SLC7A6: variants seen among roughly 807,000 people sequenced by gnomAD.
SLC7A6 encodes the protein Y+L amino acid transporter 2.
SLC7A6 carries 29 observed loss-of-function variants against 46.6 expected under a neutral mutation model. The observed-to-expected ratio is 0.62, with a 90% CI of 0.46 to 0.85. The LOEUF is 0.85. Among genes scored for constraint, SLC7A6 ranks in the 40% least tolerant of loss-of-function variants. The probability of loss-of-function intolerance (pLI) is 0.00; values close to 1 mark genes in which losing one functional copy is unlikely to be tolerated. For missense variants in SLC7A6, 527 were observed against 647.6 expected (o/e 0.81, Z 2.02); for synonymous variants, 276 against 257.3 (o/e 1.07, Z -0.70).
At position 68,301,479 on chromosome 16, in the gene SLC7A6, G is replaced by C. The variant is rs1687572517; in HGVS notation, c.*4151G>C. The stretch of plus-strand genomic sequence containing the variant: ...ACTGCAGGAGCCCCTTCTCTTCTCA[G>C]AAAGGTCTGTTTTTGTTCCCGATTG... On this transcript the variant is annotated 3_prime_UTR_variant, in exon 11 of 11. Coordinates refer to ENST00000219343, the MANE Select transcript of SLC7A6 (RefSeq NM_003983.6). The C allele has an allele frequency of 7.2e-7, 1 of 1,387,714 alleles. No individual in the cohort carries two copies. The highest frequency in any genetic ancestry group is 1.4e-5 in the African/African-American group (1 of 69,254). The allele number at this position is 1,387,714 out of a possible 1,614,324, so 86.0% of individuals were successfully genotyped here. A position where few individuals can be genotyped will look rare whatever the true frequency, so the allele number is the denominator to read the frequency against.
rs1358479897 is a variant in SLC7A6 at position 68,287,714 on chromosome 16, G to A, written c.524-32G>A. The A allele has an allele frequency of 1.9e-6, 3 of 1,606,206 alleles. No homozygotes were observed. The South Asian group carries it at 3.3e-5, about 18-fold the overall frequency. On this transcript the variant is annotated intron_variant, in intron 3 of 10. Transcript: ENST00000219343. Reference sequence around the variant, plus strand: ...TTGGGCCCCTGTGCCCTCAACTCAAGCCTGCCAGTGACTTTGTGGTTTTCC... The same window carrying A: ...TTGGGCCCCTGTGCCCTCAACTCAAACCTGCCAGTGACTTTGTGGTTTTCC...
chr16:68,269,030 AT>A (rs2042581728), intron 2 of SLC7A6, among the ~76,000 whole-genome samples: 3 of 151,984 alleles, frequency 2.0e-5, no homozygotes, highest in Admixed American at 2.0e-4. Context: ...AAAAATACGT[AT>A]TAAAAAATAT....
At chr16:68,294,537 G>T (rs1418665287) in intron 7 of SLC7A6, 168 bp from the exon 8 acceptor site, 4 of 602,514 alleles carry the variant, frequency 6.6e-6, no homozygotes, top group Non-Finnish European at 1.2e-5. Flanking sequence ...GTAGGGAAGG[G>T]GGGAGCAGGG....
chr16:68,272,197 T>A (rs2151215187), intron 2 of SLC7A6, among the ~76,000 whole-genome samples: 1 of 152,196 alleles, frequency 6.6e-6, no homozygotes, highest in African/African-American at 2.4e-5. Flanking sequence ...GAGGATCAGT[T>A]GAGGCCAGGA....
chr16:68,297,525 T>A lies in SLC7A6; in HGVS notation c.*197T>A. ...CTGGGCCAACCTCAAGGTGGGGGCT[T>A]CAGAGGGTGGGGGGAAGATTGGGGA... On this transcript the variant is annotated 3_prime_UTR_variant, in exon 11 of 11. Transcript: ENST00000219343. 4 of 210,596 alleles carry A rather than the reference T, an allele frequency of 1.9e-5. No individual in the cohort carries two copies. Among genetic ancestry groups the A allele is most frequent in the East Asian group, 3.2e-4 (2 of 6,200 alleles). The allele number at this position is 210,596 out of a possible 1,614,324, so 13.0% of individuals were successfully genotyped here.
rs143127763 is a variant in SLC7A6 at position 68,291,575 on chromosome 16, G to A, written c.936G>A (p.Thr312=). 9.2e-5 allele frequency: 149 copies of A among 1,614,132 alleles called. 1 individual carries two copies. The African/African-American group carries it at 1.2e-3, about 13-fold the overall frequency. Residue 312 remains threonine, a synonymous_variant, in exon 7 of 11, where the codon ACG becomes ACA. Coordinates refer to ENST00000219343, the MANE Select transcript of SLC7A6 (RefSeq NM_003983.6). ...DAVAVTFADQ[T]FGMFSWTIPI... The stretch of plus-strand genomic sequence containing the variant: ...GCCCCCAGACATTTGCTGACCAGAC[G>A]TTTGGCATGTTCAGCTGGACCATCC...
Position 68,294,626 on chromosome 16 carries a change from G to C in SLC7A6, c.1023-79G>C, listed in dbSNP as rs1256705147. The C allele has an allele frequency of 6.7e-6, 7 of 1,043,174 alleles. No individual in the cohort carries two copies. In the Admixed American group the frequency reaches 1.2e-4, roughly 18 times the overall value. The allele number at this position is 1,043,174 out of a possible 1,614,324, so 64.6% of individuals were successfully genotyped here. ...CTGCTTTCCTCGGGGGCTCTGAGCT[G>C]AGTTTGTCCAAGTGAGGAGTGAGTA... is the stretch of plus-strand genomic sequence containing the variant. On this transcript the variant is annotated intron_variant, in intron 7 of 10. Transcript: ENST00000219343.
intron 7 of SLC7A6, among the ~76,000 whole-genome samples, chr16:68,294,290 C>T (rs2043117754): frequency 6.6e-6 from 1 of 152,144 alleles, no homozygotes; most frequent in African/African-American, 2.4e-5. Flanking sequence ...TACATCAGCT[C>T]AGGGAAAATA....
At chr16:68,275,946 G>GAAA (rs55651156) in intron 3 of SLC7A6, among the ~76,000 whole-genome samples, 1 of 147,840 alleles carries the variant, frequency 6.8e-6, no homozygotes. Context: ...GTTGCTAAAG[G>GAAA]AAAAAAAAAA....
Position 68,288,967 on chromosome 16 carries a change from C to CAA in SLC7A6, c.649+1114_649+1115dup, listed in dbSNP as rs753001951. Among the ~76,000 whole-genome samples, 160 of 76,112 alleles carry CAA rather than the reference C, an allele frequency of 2.1e-3. 1 individual carries two copies. The highest frequency in any genetic ancestry group is 6.7e-3 in the South Asian group (16 of 2,404). The allele number at this position is 76,112 out of a possible 152,430, so 49.9% of individuals were successfully genotyped here. ...TAGGTGACAGAGCAAGATTCCATCT[C>CAA]AAAAAAAAAAAAAAAAAAAGAATTG... is the stretch of plus-strand genomic sequence containing the variant. On this transcript the variant is annotated intron_variant, in intron 4 of 10. Transcript: ENST00000219343.
intron 7 of SLC7A6, among the ~76,000 whole-genome samples, chr16:68,293,809 T>C (rs2043106691): frequency 6.6e-6 from 1 of 152,256 alleles, no homozygotes; most frequent in Non-Finnish European, 1.5e-5. Context: ...GCAAAGCATT[T>C]TGGCACAAGC....
chr16:68,290,352 C>A (rs1455787945), intron 4 of SLC7A6, 44 bp from the exon 5 acceptor site: 5 of 1,611,124 alleles, frequency 3.1e-6, no homozygotes, highest in Non-Finnish European at 3.4e-6. Context: ...CTCCTTTGGC[C>A]TGTTCCTTCT....
In SLC7A6 at chr16:68,301,765, A is replaced by G. The variant is rs138572905; in HGVS notation, c.*4437A>G. ...GACAAACCTCCCCAAAAGAATATGC[A>G]ATTGTTTGATTCATTTCTCTGTTAT... On this transcript the variant is annotated 3_prime_UTR_variant, in exon 11 of 11. Coordinates refer to ENST00000219343, the MANE Select transcript of SLC7A6 (RefSeq NM_003983.6). The G allele has an allele frequency of 6.0e-6, 1 of 166,348 alleles. No homozygotes were observed. The highest frequency in any genetic ancestry group is 2.4e-5 in the African/African-American group (1 of 41,838). 10.3% of individuals were successfully genotyped at this position (166,348 alleles called of 1,614,324 possible).
At chr16:68,284,178 C>T (rs1251046380) in intron 3 of SLC7A6, 1 of 152,222 alleles carries the variant, frequency 6.6e-6, no homozygotes, top group Non-Finnish European at 1.5e-5. Context: ...TTCACACTAC[C>T]CTGGCTCTGC....
chr16:68,295,090 C>T (rs1255257841), intron 8 of SLC7A6, among the ~76,000 whole-genome samples: 2 of 152,134 alleles, frequency 1.3e-5, no homozygotes, highest in Non-Finnish European at 2.9e-5. Flanking sequence ...TCCATTTTCC[C>T]ACAGTTTTCA....
intron 2 of SLC7A6, among the ~76,000 whole-genome samples, chr16:68,271,472 A>G (rs2042622601): frequency 6.6e-6 from 1 of 151,960 alleles, no homozygotes; most frequent in African/African-American, 2.4e-5. Flanking sequence ...CACCATGCCC[A>G]GCTAACTTTT....
At chr16:68,273,300 G>C (rs777335039) in intron 2 of SLC7A6, among the ~76,000 whole-genome samples, 2 of 152,160 alleles carry the variant, frequency 1.3e-5, no homozygotes, top group African/African-American at 2.4e-5. Context: ...AGAGACTTCT[G>C]GAAAGATGAT....
Position 68,274,867 on chromosome 16 carries a change from G to C in SLC7A6, c.141G>C (p.Leu47=). The change falls in exon 3 of 11, where the codon CTG becomes CTC. Residue 47 remains leucine (L), a synonymous_variant. Coordinates refer to ENST00000219343, the MANE Select transcript of SLC7A6 (RefSeq NM_003983.6). The part of the protein sequence containing the change: ...ETMQLKKEIS[L]LNGVSLVVGN... The stretch of plus-strand genomic sequence containing the variant: ...TGCAGCTGAAGAAGGAGATCTCCCT[G>C]CTGAATGGGGTCAGCCTGGTGGTGG... 1 of 1,614,202 alleles carries C rather than the reference G, an allele frequency of 6.2e-7. No individual in the cohort carries two copies. The highest frequency in any genetic ancestry group is 8.5e-7 in the Non-Finnish European group (1 of 1,180,034).
At chr16:68,290,621 C>T (rs534531736) in intron 5 of SLC7A6, 81 bp downstream of exon 5, 4 of 1,510,958 alleles carry the variant, frequency 2.6e-6, no homozygotes, top group East Asian at 2.3e-5. Flanking sequence ...TCATCCTTCT[C>T]CTCCTCCCTC....
Sources: allele counts gnomAD v4.1 joint callset (sites outside exome capture counted in the v4.1 genomes callset), GRCh38; gene constraint gnomAD v4.1.1; transcripts MANE v1.5; gene names NCBI Gene and HGNC (gene_info 2026-07-23, HGNC 2026-07-21).